The following PARD3B variants were observed in gnomAD, a reference collection of about 807,000 sequenced individuals.
PARD3B encodes the protein par-3 family cell polarity regulator beta, also known as partitioning defective 3 homolog B.
Under a neutral mutation model 130.2 loss-of-function variants are expected in PARD3B, and 103 were observed. That is an observed-to-expected ratio of 0.79 (90% CI 0.67 to 0.93). The LOEUF is 0.93. Among genes scored for constraint, PARD3B ranks in the 40% least tolerant of loss-of-function variants. PARD3B has a pLI of 0.00. For missense variants in PARD3B, 1,609 were observed against 1,499.2 expected, an observed-to-expected ratio of 1.07 and a Z score of -1.21; for synonymous variants, 583 against 553.2, an observed-to-expected ratio of 1.05 and a Z score of -0.76.
chr2:205,583,435 GAT>G (rs2054077674), intron 22 of PARD3B, among the ~76,000 whole-genome samples: 1 of 142,374 alleles, frequency 7.0e-6, no homozygotes, highest in South Asian at 2.3e-4. Flanking sequence ...GAGAGAGAGA[GAT>G]GCACATACTA....
chr2:204,569,824 T>C (rs1258156190), intron 1 of PARD3B, among the ~76,000 whole-genome samples: 1 of 152,176 alleles, frequency 6.6e-6, no homozygotes, highest in Non-Finnish European at 1.5e-5. Flanking sequence ...AGTGGGGAGA[T>C]GATGCTTAAT....
In PARD3B at chr2:205,616,024, G is replaced by A. The variant is rs1208584403; in HGVS notation, c.*211G>A. 5.4e-6 allele frequency: 3 copies of A among 551,332 alleles called. No homozygotes were observed. The highest frequency in any genetic ancestry group is 9.5e-6 in the Non-Finnish European group (3 of 316,630). The allele number at this position is 551,332 out of a possible 1,614,324, so 34.2% of individuals were successfully genotyped here. On this transcript the variant is annotated 3_prime_UTR_variant, in exon 23 of 23. Transcript: ENST00000406610. Reference sequence around the variant, plus strand: ...AAAAAAAATCAGAAGGAAGACGAAAGATGGGGCTATAAAAACAAAACTACC... The same window carrying A: ...AAAAAAAATCAGAAGGAAGACGAAAAATGGGGCTATAAAAACAAAACTACC...
At position 205,263,064 on chromosome 2, in the gene PARD3B, A is replaced by T. The variant is rs1345126936; in HGVS notation, c.2185+17242A>T. Among the ~76,000 whole-genome samples, 1 of 152,060 alleles carries T rather than the reference A, an allele frequency of 6.6e-6. No individual in the cohort carries two copies. Among genetic ancestry groups the T allele is most frequent in the Non-Finnish European group, 1.5e-5 (1 of 67,958 alleles). On this transcript the variant is annotated intron_variant, in intron 16 of 22. Coordinates refer to ENST00000406610, the MANE Select transcript of PARD3B (RefSeq NM_001302769.2). The surrounding 1 kb of genome is among the most constrained non-coding windows in gnomAD (Gnocchi z 4.0). ...GTACTGCCATGGGGGTAATTTATGA[A>T]TCTGGAGAAATAACAGAGTAAGAAG...
rs2052974732 is a variant in PARD3B at position 205,558,137 on chromosome 2, G to A, written c.3260+4734G>A. On this transcript the variant is annotated intron_variant, in intron 22 of 22. Coordinates refer to ENST00000406610, the MANE Select transcript of PARD3B (RefSeq NM_001302769.2). The surrounding 1 kb of genome is among the most constrained non-coding windows in gnomAD (Gnocchi z 4.8). ...AATGGACATGATAGTAGACAGCAGT[G>A]CTATGGAGAGGGGGTTTATAACAGA... is the stretch of plus-strand genomic sequence containing the variant. Among the ~76,000 whole-genome samples, 1 of 152,200 alleles carries A rather than the reference G, an allele frequency of 6.6e-6. No individual in the cohort carries two copies. The highest frequency in any genetic ancestry group is 2.4e-5 in the African/African-American group (1 of 41,448).
rs550634068 is a variant in PARD3B, at chr2:205,522,455, G to A, written c.3180+22424G>A. 9.4e-4 allele frequency among the ~76,000 whole-genome samples: 142 copies of A among 151,636 alleles called. 1 individual carries two copies. Among genetic ancestry groups the A allele is most frequent in the Middle Eastern group, 3.4e-3 (1 of 292 alleles). ...GCGACGTCTCCCATTTTTGCCTGGT[G>A]GCATTTATTAAAAGTTGGCATAATA... is the stretch of plus-strand genomic sequence containing the variant. On this transcript the variant is annotated intron_variant, in intron 21 of 22. Coordinates refer to ENST00000406610, the MANE Select transcript of PARD3B (RefSeq NM_001302769.2).
chr2:204,799,152 A>G lies in PARD3B; in HGVS notation c.222+112870A>G, dbSNP rs2042476669. Among the ~76,000 whole-genome samples the G allele has an allele frequency of 6.6e-6, 1 of 151,984 alleles. No homozygotes were observed. Among genetic ancestry groups the G allele is most frequent in the African/African-American group, 2.4e-5 (1 of 41,378 alleles). ...GACGGGAGCCCACTACCCTGAAGGGAGAGACCCAGACCTGGAAGCATTCAC... is the reference window on the plus strand; with the variant it reads ...GACGGGAGCCCACTACCCTGAAGGGGGAGACCCAGACCTGGAAGCATTCAC... On this transcript the variant is annotated intron_variant, in intron 2 of 22. Coordinates refer to ENST00000406610, the MANE Select transcript of PARD3B (RefSeq NM_001302769.2). The surrounding 1 kb of genome is among the most constrained non-coding windows in gnomAD (Gnocchi z 4.1).
intron 3 of PARD3B, among the ~76,000 whole-genome samples, chr2:205,000,396 A>G (rs1694734962): frequency 6.6e-6 from 1 of 152,150 alleles, no homozygotes; most frequent in Non-Finnish European, 1.5e-5. Flanking sequence ...AGATAAGGTT[A>G]GAGAAATAAC....
intron 2 of PARD3B, among the ~76,000 whole-genome samples, chr2:204,713,774 C>A (rs1004410654): frequency 1.3e-5 from 2 of 152,108 alleles, no homozygotes; most frequent in Non-Finnish European, 2.9e-5. Context: ...AGTCCTCTCT[C>A]TATATATACA....
chr2:204,852,904 A>C (rs915991823), intron 2 of PARD3B, among the ~76,000 whole-genome samples: 8 of 152,160 alleles, frequency 5.3e-5, no homozygotes, highest in Non-Finnish European at 1.2e-4. Context: ...GATAATAAAA[A>C]GTTAACATTT....
At chr2:205,455,751 T>G (rs1027231005) in intron 20 of PARD3B, among the ~76,000 whole-genome samples, 1 of 152,092 alleles carries the variant, frequency 6.6e-6, no homozygotes, top group East Asian at 1.9e-4. Flanking sequence ...TCACCCAATT[T>G]TCTCCAGTGG....
At chr2:205,252,098 A>G (rs781056717) in intron 16 of PARD3B, among the ~76,000 whole-genome samples, 1 of 152,208 alleles carries the variant, frequency 6.6e-6, no homozygotes, top group Admixed American at 6.5e-5. Context: ...GTAAAATTCA[A>G]TGAATTAAAC....
intron 2 of PARD3B, among the ~76,000 whole-genome samples, chr2:204,945,928 T>C (rs997909792): frequency 1.3e-5 from 2 of 152,170 alleles, no homozygotes; most frequent in African/African-American, 4.8e-5. Context: ...AATTTCGTGC[T>C]CCCATGCGTT....
chr2:205,185,651 G>C lies in PARD3B; in HGVS notation c.1925-113G>C, dbSNP rs910522363. 2.5e-5 allele frequency: 19 copies of C among 753,122 alleles called. No individual in the cohort carries two copies. The South Asian group carries it at 2.8e-4, about 11-fold the overall frequency. The allele number at this position is 753,122 out of a possible 1,614,324, so 46.7% of individuals were successfully genotyped here. A position where few individuals can be genotyped will look rare whatever the true frequency, so the allele number is the denominator to read the frequency against. ...TCTGTATGAGAACTTATTTATTTCA[G>C]GGCTGGTTTATGTGTTGGCTAAAAC... On this transcript the variant is annotated intron_variant, in intron 13 of 22. Coordinates refer to ENST00000406610, the MANE Select transcript of PARD3B (RefSeq NM_001302769.2).
At chr2:204,614,312 CA>C (rs2034031902) in intron 1 of PARD3B, among the ~76,000 whole-genome samples, 1 of 151,376 alleles carries the variant, frequency 6.6e-6, no homozygotes, top group Non-Finnish European at 1.5e-5. Flanking sequence ...AGCAATATTA[CA>C]TTTTTTTATA....
chr2:205,333,649 A>G (rs907187533), intron 18 of PARD3B, among the ~76,000 whole-genome samples: 8 of 152,194 alleles, frequency 5.3e-5, no homozygotes, highest in Non-Finnish European at 1.2e-4. Flanking sequence ...GAAAGAATCT[A>G]CAGCCAAAAT....
intron 2 of PARD3B, among the ~76,000 whole-genome samples, chr2:204,734,203 A>T (rs1389136311): frequency 1.3e-5 from 2 of 152,204 alleles, no homozygotes; most frequent in Non-Finnish European, 2.9e-5. Flanking sequence ...AGCAAATCAA[A>T]ATTACAGTGA....
In PARD3B at chr2:205,405,542, T is replaced by G. The variant is rs962473347; in HGVS notation, c.2741+4419T>G. On this transcript the variant is annotated intron_variant, in intron 19 of 22. Transcript: ENST00000406610. The surrounding 1 kb of genome is among the most constrained non-coding windows in gnomAD (Gnocchi z 4.1). The stretch of plus-strand genomic sequence containing the variant: ...ATATAACCCTAGAAGGATTATTAGC[T>G]ATTTGAGAATGGTACCCAAACATTA... 6.6e-6 allele frequency among the ~76,000 whole-genome samples: 1 copy of G among 152,236 alleles called. No individual in the cohort carries two copies. The highest frequency in any genetic ancestry group is 2.4e-5 in the African/African-American group (1 of 41,460).
chr2:205,098,800 C>G (rs556732937), intron 4 of PARD3B, among the ~76,000 whole-genome samples: 18 of 152,222 alleles, frequency 1.2e-4, no homozygotes, highest in Admixed American at 3.3e-4. Flanking sequence ...AATGTAAACA[C>G]CTTTACTTTC....
At chr2:204,612,895 T>C (rs1431276751) in intron 1 of PARD3B, among the ~76,000 whole-genome samples, 1 of 152,148 alleles carries the variant, frequency 6.6e-6, no homozygotes. Flanking sequence ...AGTTCTTTTT[T>C]ATTTTTTCTT....
Sources: allele counts gnomAD v4.1 joint callset (sites outside exome capture counted in the v4.1 genomes callset), GRCh38; gene constraint gnomAD v4.1.1; non-coding constraint Gnocchi (gnomAD v3.1); transcripts MANE v1.5; gene names NCBI Gene and HGNC (gene_info 2026-07-23, HGNC 2026-07-21).